The following CFAP20 variants were observed in gnomAD, a reference collection of about 807,000 sequenced individuals.
CFAP20 encodes the protein cilia- and flagella-associated protein 20.
In CFAP20, 14 loss-of-function variants were observed where a neutral mutation model predicts 25.5. That is an observed-to-expected ratio of 0.55 (90% CI 0.36 to 0.86). CFAP20 has a LOEUF of 0.86. Among genes scored for constraint, CFAP20 ranks in the 40% least tolerant of loss-of-function variants. The pLI, the probability that CFAP20 is intolerant of heterozygous loss-of-function variation, is 0.01. For missense variants in CFAP20, 181 were observed against 248.0 expected (o/e 0.73, Z 1.81); for synonymous variants, 75 against 91.1 (o/e 0.82, Z 1.01).
At position 58,117,702 on chromosome 16, in the gene CFAP20, G is replaced by C. The variant is rs530424274; in HGVS notation, c.85-751C>G. On this transcript the variant is annotated intron_variant, in intron 1 of 5. Transcript: ENST00000262498. ...CCTGCCTTGGCCTCCCAAAGTGCTG[G>C]AATTACAGGCATGGGCCACTGCGCC... Among the ~76,000 whole-genome samples, 10 of 152,312 alleles carry C rather than the reference G, an allele frequency of 6.6e-5. No homozygotes were observed. The South Asian group carries it at 1.4e-3, about 22-fold the overall frequency.
rs35086810 is a variant in CFAP20 at position 58,129,159 on chromosome 16, G to T, written c.-44C>A. Reference sequence around the variant, plus strand: ...CTAAGCCGCCCCCGGAGCCGACCTAGGCCCCGGAGTAGATACAGGCACCGA... The same window carrying T: ...CTAAGCCGCCCCCGGAGCCGACCTATGCCCCGGAGTAGATACAGGCACCGA... On this transcript the variant is annotated 5_prime_UTR_variant, in exon 1 of 6. Coordinates refer to ENST00000262498, the MANE Select transcript of CFAP20 (RefSeq NM_013242.3). The T allele has an allele frequency of 6.2e-7, 1 of 1,604,366 alleles. No individual in the cohort carries two copies. The highest frequency in any genetic ancestry group is 1.3e-5 in the African/African-American group (1 of 74,794).
At chr16:58,123,388 A>C (rs1960563349) in intron 1 of CFAP20, among the ~76,000 whole-genome samples, 1 of 148,146 alleles carries the variant, frequency 6.8e-6, no homozygotes, top group Non-Finnish European at 1.5e-5. Context: ...CGAGGTCAGG[A>C]GATCGAGACC....
intron 3 of CFAP20, 77 bp from the exon 4 acceptor site, chr16:58,115,534 G>C: frequency 6.6e-7 from 1 of 1,523,606 alleles, no homozygotes; most frequent in Non-Finnish European, 8.9e-7. Context: ...ACAAGGACCT[G>C]AATTCCCACA....
At chr16:58,123,465 G>GAA (rs1960564723) in intron 1 of CFAP20, among the ~76,000 whole-genome samples, 1 of 147,296 alleles carries the variant, frequency 6.8e-6, no homozygotes, top group African/African-American at 2.4e-5. Context: ...GCGTGGTGGC[G>GAA]GGCGCCTGTA....
intron 5 of CFAP20, among the ~76,000 whole-genome samples, chr16:58,114,492 C>T (rs1449974637): frequency 2.0e-5 from 3 of 149,150 alleles, no homozygotes; most frequent in African/African-American, 7.4e-5. Context: ...TGCCACTGCA[C>T]TCTAGCCTGG....
At chr16:58,121,480 T>C (rs1960534786) in intron 1 of CFAP20, among the ~76,000 whole-genome samples, 1 of 152,148 alleles carries the variant, frequency 6.6e-6, no homozygotes, top group South Asian at 2.1e-4. Context: ...ATTCCCACTA[T>C]CAAAGTGTGG....
chr16:58,120,089 C>T (rs910293537), intron 1 of CFAP20, among the ~76,000 whole-genome samples: 2 of 152,054 alleles, frequency 1.3e-5, no homozygotes, highest in African/African-American at 2.4e-5. Context: ...TGTGGAAAAC[C>T]AAGCAGATTC....
intron 2 of CFAP20, 88 bp downstream of exon 2, chr16:58,116,784 C>G: frequency 8.0e-7 from 1 of 1,243,578 alleles, no homozygotes. Context: ...ATCCGGCACT[C>G]TGACTCCGCA....
At chr16:58,118,394 G>C (rs896734766) in intron 1 of CFAP20, among the ~76,000 whole-genome samples, 1 of 151,342 alleles carries the variant, frequency 6.6e-6, no homozygotes, top group African/African-American at 2.4e-5. Flanking sequence ...AAGGTGGGAG[G>C]ATCACTTGAG....
intron 1 of CFAP20, among the ~76,000 whole-genome samples, chr16:58,127,569 A>G (rs1960634028): frequency 6.6e-6 from 1 of 152,170 alleles, no homozygotes; most frequent in Non-Finnish European, 1.5e-5. Context: ...TACAGATGCA[A>G]TTTACAGTTT....
rs755515452 is a variant in CFAP20 at position 58,115,455 on chromosome 16, T to C, written c.279A>G (p.Val93=). 1.2e-5 allele frequency: 20 copies of C among 1,613,992 alleles called. No homozygotes were observed. The highest frequency in any genetic ancestry group is 5.9e-6 in the Non-Finnish European group (7 of 1,179,994). ...GACGACGCACATTCTTGTCATCTAG[T>C]ACCTGTGAAATACAGAGAAGAAGCA... ...LKKYFTFEVQ[V]LDDKNVRRRF... Residue 93 remains valine (V), a splice_region_variant and synonymous_variant, in exon 4 of 6, where the codon GTA becomes GTG. Coordinates refer to ENST00000262498, the MANE Select transcript of CFAP20 (RefSeq NM_013242.3).
chr16:58,127,070 A>G (rs10445014), intron 1 of CFAP20, among the ~76,000 whole-genome samples: 10,541 of 152,332 alleles, frequency 0.069, 430 homozygotes, highest in South Asian at 0.2. Flanking sequence ...CCAAGTAACC[A>G]TGCCAATCGA....
intron 2 of CFAP20, 79 bp from the exon 3 acceptor site, chr16:58,116,231 C>T (rs1043319140): frequency 1.0e-6 from 1 of 998,048 alleles, no homozygotes; most frequent in African/African-American, 1.6e-5. Context: ...ACACACGGTC[C>T]AAGAGGATAC....
At chr16:58,121,581 C>A (rs1273182116) in intron 1 of CFAP20, among the ~76,000 whole-genome samples, 1 of 152,172 alleles carries the variant, frequency 6.6e-6, no homozygotes, top group African/African-American at 2.4e-5. Flanking sequence ...CCCTCCCCTG[C>A]CCATGAGCTG....
rs1274857973 is a variant in CFAP20, at chr16:58,115,311, C to G, written c.423G>C (p.Arg141=). 6.2e-7 allele frequency: 1 copy of G among 1,614,198 alleles called. No individual in the cohort carries two copies. The highest frequency in any genetic ancestry group is 1.3e-5 in the African/African-American group (1 of 75,050). The change falls in exon 4 of 6, where the codon CGG becomes CGC. Residue 141 remains arginine (R), a synonymous_variant. Transcript: ENST00000262498. ...CGATGTAATTGGTGCCGTATGCTCG[C>G]CGTGTGAAGTCTAGCAAGTTGAACT... The part of the protein sequence containing the change: ...QIQFNLLDFT[R]RAYGTNYIET...
intron 5 of CFAP20, among the ~76,000 whole-genome samples, chr16:58,114,385 G>C (rs1960427314): frequency 6.6e-6 from 1 of 152,120 alleles, no homozygotes; most frequent in South Asian, 2.1e-4. Flanking sequence ...AATTAGTTGG[G>C]CATGGTGGCA....
chr16:58,122,786 A>AT (rs758176564), intron 1 of CFAP20, among the ~76,000 whole-genome samples: 9 of 152,168 alleles, frequency 5.9e-5, no homozygotes, highest in Non-Finnish European at 1.2e-4. Flanking sequence ...AATGTAGGAA[A>AT]TTTTTTCTGA....
rs941654849 is a variant in CFAP20 at position 58,113,608 on chromosome 16, A to G, written c.*417T>C. On this transcript the variant is annotated 3_prime_UTR_variant, in exon 6 of 6. Transcript: ENST00000262498. ...AGGAACAAATTTACAAACCAGGAAT[A>G]TATCACTTTATTCATTTCCAGATTA... 6.3e-6 allele frequency: 1 copy of G among 158,202 alleles called. No individual in the cohort carries two copies. The highest frequency in any genetic ancestry group is 2.4e-5 in the African/African-American group (1 of 41,674). The allele number at this position is 158,202 out of a possible 1,614,324, so 9.8% of individuals were successfully genotyped here. A position where few individuals can be genotyped will look rare whatever the true frequency, so the allele number is the denominator to read the frequency against.
Position 58,129,112 on chromosome 16 carries a change from A to G in CFAP20, c.4T>C (p.Phe2Leu). 6.2e-7 allele frequency: 1 copy of G among 1,613,658 alleles called. No homozygotes were observed. The change falls in exon 1 of 6, where the codon TTC (phenylalanine) becomes CTC (leucine). Residue 2 changes from phenylalanine (F) to leucine (L), a missense_variant. Transcript: ENST00000262498. The part of the protein sequence containing the change: M[F>L]KNTFQSGFLS... ...AAGCCGCTCTGGAACGTGTTTTTGA[A>G]CATCTCGCCGGCGGCCTTCTCCTAA...
Sources: allele counts gnomAD v4.1 joint callset (sites outside exome capture counted in the v4.1 genomes callset), GRCh38; gene constraint gnomAD v4.1.1; transcripts MANE v1.5; gene names NCBI Gene and HGNC (gene_info 2026-07-23, HGNC 2026-07-21).